The following CCDC13 variants were observed in gnomAD, a reference collection of about 807,000 sequenced individuals.
CCDC13 encodes the protein coiled-coil domain containing 13, also known as coiled-coil domain-containing protein 13.
A neutral mutation model predicts 87.3 loss-of-function variants in CCDC13; 70 were observed. That is an observed-to-expected ratio of 0.80 (90% CI 0.66 to 0.98). The LOEUF (loss-of-function observed/expected upper bound fraction) is 0.98, where lower values mean the gene tolerates loss of function less well. Among genes scored for constraint, CCDC13 ranks in the 50% least tolerant of loss-of-function variants. CCDC13 has a pLI of 0.00. For synonymous variants in CCDC13, 317 were observed against 360.3 expected (o/e 0.88, Z 1.36); for missense variants, 842 against 892.0 (o/e 0.94, Z 0.71).
intron 5 of CCDC13, among the ~76,000 whole-genome samples, chr3:42,748,459 C>T (rs999281662): frequency 1.3e-5 from 2 of 152,250 alleles, no homozygotes; most frequent in Admixed American, 1.3e-4. Context: ...GCTGCCCCAA[C>T]AGGGCAAAGC....
chr3:42,747,477 G>T (rs1699444839), intron 5 of CCDC13, 104 bp from the exon 6 acceptor site: 1 of 810,108 alleles, frequency 1.2e-6, no homozygotes, highest in Non-Finnish European at 2.1e-6. Flanking sequence ...TGTGCTAAGT[G>T]TTTGACATGG....
intron 8 of CCDC13, among the ~76,000 whole-genome samples, chr3:42,742,171 C>G (rs1699242706): frequency 6.6e-6 from 1 of 152,204 alleles, no homozygotes; most frequent in Non-Finnish European, 1.5e-5. Flanking sequence ...ATCAAAACAC[C>G]CTGTACTCTT....
Position 42,757,140 on chromosome 3 carries a change from T to A in CCDC13, c.296A>T (p.Lys99Met). The A allele has an allele frequency of 6.2e-7, 1 of 1,614,248 alleles. No homozygotes were observed. Among genetic ancestry groups the A allele is most frequent in the Non-Finnish European group, 8.5e-7 (1 of 1,180,038 alleles). The change falls in exon 3 of 16, where the codon AAG becomes ATG. Residue 99 changes from lysine (K) to methionine (M), a missense_variant. Physicochemically the swap from Lys to Met is moderately conservative, Grantham distance 95. Coordinates refer to ENST00000310232, the MANE Select transcript of CCDC13 (RefSeq NM_144719.4). ...ETVDENGRLY[K>M]LLKERDFEIK... ...TTCAAAGTCCCTTTCCTTCAGCAGC[T>A]TATACAATCGCCCGTTCTCGTCCAC...
At chr3:42,736,508 G>A (rs1699026586) in intron 9 of CCDC13, among the ~76,000 whole-genome samples, 1 of 152,170 alleles carries the variant, frequency 6.6e-6, no homozygotes, top group South Asian at 2.1e-4. Flanking sequence ...CTAGTTTGCA[G>A]CTCTCATCAT....
At chr3:42,729,432 C>G (rs887403294) in intron 13 of CCDC13, among the ~76,000 whole-genome samples, 5 of 152,230 alleles carry the variant, frequency 3.3e-5, no homozygotes, top group Non-Finnish European at 7.3e-5. Flanking sequence ...TTTTGTCCTT[C>G]CCTGCACCCC....
Position 42,735,807 on chromosome 3 carries a change from T to A in CCDC13, c.1271A>T (p.Gln424Leu). Residue 424 changes from glutamine (Q) to leucine (L), a missense_variant, in exon 10 of 16, where the codon CAG becomes CTG. Gln to Leu is a moderately radical substitution (Grantham distance 113). Coordinates refer to ENST00000310232, the MANE Select transcript of CCDC13 (RefSeq NM_144719.4). ...CTGGGCGACTAGGCTGTTGCTCCGC[T>A]GAGCCTCGCTGTTCAGTTGCTGGTC... ...HLDQQLNSEA[Q>L]RSNSLVAQLQ... 1 of 1,610,378 alleles carries A rather than the reference T, an allele frequency of 6.2e-7. No homozygotes were observed. The highest frequency in any genetic ancestry group is 1.7e-5 in the Admixed American group (1 of 60,022).
chr3:42,757,593 G>A (rs1451870505), intron 2 of CCDC13, among the ~76,000 whole-genome samples: 2 of 152,168 alleles, frequency 1.3e-5, no homozygotes, highest in Non-Finnish European at 2.9e-5. Flanking sequence ...TGGTGTACAC[G>A]TGTAATCCCA....
chr3:42,719,101 G>C (rs1378199149), intron 13 of CCDC13: 1 of 152,266 alleles, frequency 6.6e-6, no homozygotes, highest in African/African-American at 2.4e-5. Context: ...AATGGGTTTG[G>C]CACTCCGGGA....
At chr3:42,759,115 G>A (rs1273221041) in intron 1 of CCDC13, among the ~76,000 whole-genome samples, 6 of 152,176 alleles carry the variant, frequency 3.9e-5, no homozygotes, top group Non-Finnish European at 8.8e-5. Flanking sequence ...GAGACCAGGA[G>A]TTTGAGACCA....
At chr3:42,716,925 C>T in intron 13 of CCDC13, among the ~76,000 whole-genome samples, 1 of 152,136 alleles carries the variant, frequency 6.6e-6, no homozygotes, top group Middle Eastern at 3.2e-3. Context: ...ATCCAAGTGT[C>T]CATCAACAGA....
At chr3:42,763,881 T>C (rs1321614656) in intron 1 of CCDC13, among the ~76,000 whole-genome samples, 1 of 152,206 alleles carries the variant, frequency 6.6e-6, no homozygotes, top group Non-Finnish European at 1.5e-5. Context: ...TGAGACCACG[T>C]GCCCAAGGTG....
chr3:42,771,549 G>A (rs1018138928), intron 1 of CCDC13, among the ~76,000 whole-genome samples: 1 of 152,186 alleles, frequency 6.6e-6, no homozygotes, highest in Non-Finnish European at 1.5e-5. Flanking sequence ...GAGGCCAGGA[G>A]TTTGAGACCA....
Position 42,707,703 on chromosome 3 carries a change from T to C in CCDC13, c.*1277A>G, listed in dbSNP as rs1311436551. 1.3e-5 allele frequency among the ~76,000 whole-genome samples: 2 copies of C among 152,234 alleles called. No individual in the cohort carries two copies. The highest frequency in any genetic ancestry group is 1.5e-5 in the Non-Finnish European group (1 of 68,042). On this transcript the variant is annotated 3_prime_UTR_variant, in exon 16 of 16. Coordinates refer to ENST00000310232, the MANE Select transcript of CCDC13 (RefSeq NM_144719.4). The stretch of plus-strand genomic sequence containing the variant: ...GTGGGAATGTGTGTCCACATCCACA[T>C]GTGTGTGCTCATCTGCACCTGTGTG...
intron 4 of CCDC13, 84 bp downstream of exon 4, chr3:42,752,491 G>A (rs1034310850): frequency 8.0e-5 from 124 of 1,542,836 alleles, no homozygotes; most frequent in Non-Finnish European, 1.0e-4. Flanking sequence ...CAGCTCTCCC[G>A]GCTACATATG....
chr3:42,730,725 C>G (rs1698807459), intron 12 of CCDC13, 136 bp from the exon 13 acceptor site: 1 of 1,157,210 alleles, frequency 8.6e-7, no homozygotes, highest in Non-Finnish European at 1.2e-6. Flanking sequence ...AACCCAGTCC[C>G]TCTAGGTCCT....
chr3:42,734,169 C>T (rs1223966279), intron 10 of CCDC13, among the ~76,000 whole-genome samples: 1 of 152,172 alleles, frequency 6.6e-6, no homozygotes, highest in Non-Finnish European at 1.5e-5. Context: ...ATTAGAGGAC[C>T]CCCAGCAGGA....
intron 3 of CCDC13, among the ~76,000 whole-genome samples, chr3:42,756,735 C>G (rs1346431383): frequency 1.3e-5 from 2 of 152,108 alleles, no homozygotes; most frequent in African/African-American, 4.8e-5. Flanking sequence ...ATCCTGCCAG[C>G]CCCTTTACAT....
At chr3:42,756,857 C>G (rs779411825) in intron 3 of CCDC13, among the ~76,000 whole-genome samples, 1 of 152,074 alleles carries the variant, frequency 6.6e-6, no homozygotes, top group African/African-American at 2.4e-5. Context: ...CTCATTGCTC[C>G]CTGTGCTCCC....
chr3:42,709,233 C>G, intron 15 of CCDC13, 94 bp from the exon 16 acceptor site: 1 of 1,332,194 alleles, frequency 7.5e-7, no homozygotes, highest in Admixed American at 2.5e-5. Context: ...GCCAGCATGG[C>G]TGCTCTTCAG....
Sources: allele counts gnomAD v4.1 joint callset (sites outside exome capture counted in the v4.1 genomes callset), GRCh38; gene constraint gnomAD v4.1.1; transcripts MANE v1.5; gene names NCBI Gene and HGNC (gene_info 2026-07-23, HGNC 2026-07-21).